The following KAZN variants were observed in gnomAD, a reference collection of about 807,000 sequenced individuals.
KAZN encodes the protein kazrin, periplakin interacting protein.
Under a neutral mutation model 87.4 loss-of-function variants are expected in KAZN, and 40 were observed. That is an observed-to-expected ratio of 0.46 (90% CI 0.36 to 0.60). The LOEUF (loss-of-function observed/expected upper bound fraction) is 0.60. KAZN is among the 20% of genes least tolerant of loss of function. KAZN has a pLI of 0.00. For synonymous variants in KAZN, 466 were observed against 458.3 expected (o/e 1.02, Z -0.22); for missense variants, 898 against 1,073.9 (o/e 0.84, Z 2.29).
chr1:14,726,253 G>C (rs1232869449), intron 1 of KAZN, among the ~76,000 whole-genome samples: 3 of 152,238 alleles, frequency 2.0e-5, no homozygotes, highest in Non-Finnish European at 4.4e-5. Context: ...GGCACAGACA[G>C]CTGGTGCTTG....
chr1:14,727,511 C>CTTTTTTTTTTTTTTT, intron 1 of KAZN, among the ~76,000 whole-genome samples: 1 of 91,748 alleles, frequency 1.1e-5, no homozygotes, highest in Non-Finnish European at 2.0e-5. Context: ...AAGAGTTTTG[C>CTTTTTTTTTTTTTTT]TCTTGTTGTC....
At position 14,977,674 on chromosome 1, in the gene KAZN, G is replaced by T. The variant is rs866405324; in HGVS notation, c.418+16799G>T. ...TGTAGTTCGGGTGACTGCAGATTGC[G>T]GGAGACTCACTTCCTTCAGGTGCAG... On this transcript the variant is annotated intron_variant, in intron 2 of 14. Coordinates refer to ENST00000376030, the MANE Select transcript of KAZN (RefSeq NM_201628.3). 2.6e-5 allele frequency among the ~76,000 whole-genome samples: 4 copies of T among 152,182 alleles called. No homozygotes were observed. The South Asian group carries it at 8.3e-4, about 32-fold the overall frequency.
In KAZN at chr1:14,848,963, C is replaced by T. The variant is rs772053868; in HGVS notation, c.227-111721C>T. Among the ~76,000 whole-genome samples, 8 of 152,132 alleles carry T rather than the reference C, an allele frequency of 5.3e-5. No individual in the cohort carries two copies. The East Asian group carries it at 5.8e-4, about 11-fold the overall frequency. ...GGCTGGCTAGAGGGGCCGGATGCTG[C>T]GGCTCCAGGAAGCAGGGACCAGGGC... On this transcript the variant is annotated intron_variant, in intron 1 of 14. Coordinates refer to ENST00000376030, the MANE Select transcript of KAZN (RefSeq NM_201628.3).
chr1:15,003,824 T>A (rs988713858), intron 2 of KAZN, among the ~76,000 whole-genome samples: 2 of 152,160 alleles, frequency 1.3e-5, no homozygotes, highest in Admixed American at 6.5e-5. Context: ...CCCTGCCTGC[T>A]GTACCCCTCT....
At chr1:13,950,600 T>G (rs1641308863) in intron 1 of KAZN, among the ~76,000 whole-genome samples, 1 of 151,820 alleles carries the variant, frequency 6.6e-6, no homozygotes, top group Non-Finnish European at 1.5e-5. Flanking sequence ...GGATTTTTAG[T>G]AAAGATACAG....
chr1:14,976,193 G>A (rs1208584660), intron 2 of KAZN, among the ~76,000 whole-genome samples: 1 of 152,170 alleles, frequency 6.6e-6, no homozygotes, highest in Non-Finnish European at 1.5e-5. Flanking sequence ...TTTGAGACAA[G>A]GTCTCATTCC....
chr1:14,939,601 A>G (rs1340681093), intron 1 of KAZN, among the ~76,000 whole-genome samples: 1 of 152,168 alleles, frequency 6.6e-6, no homozygotes, highest in African/African-American at 2.4e-5. Flanking sequence ...TGAGGTCCGC[A>G]TTGGCAGTGG....
chr1:13,942,215 C>G (rs1467463548), intron 1 of KAZN, among the ~76,000 whole-genome samples: 1 of 152,104 alleles, frequency 6.6e-6, no homozygotes, highest in East Asian at 1.9e-4. Context: ...CACTCTACCT[C>G]AAAGCAGAAC....
intron 1 of KAZN, among the ~76,000 whole-genome samples, chr1:14,110,494 T>C (rs1644478201): frequency 6.6e-6 from 1 of 152,244 alleles, no homozygotes; most frequent in Non-Finnish European, 1.5e-5. Flanking sequence ...CTTACAACAG[T>C]GCTATGGTTT....
intron 2 of KAZN, among the ~76,000 whole-genome samples, chr1:14,453,190 C>T (rs1410257489): frequency 6.6e-6 from 1 of 151,948 alleles, no homozygotes; most frequent in Non-Finnish European, 1.5e-5. Flanking sequence ...CTCCTGACCT[C>T]GTGATCCGCC....
chr1:14,041,141 T>C (rs1187704975), intron 1 of KAZN, among the ~76,000 whole-genome samples: 38 of 152,222 alleles, frequency 2.5e-4, no homozygotes. Flanking sequence ...TCAAATCACA[T>C]CAGTGTATTA....
intron 2 of KAZN, among the ~76,000 whole-genome samples, chr1:14,281,091 C>T (rs1051143401): frequency 3.9e-5 from 6 of 152,130 alleles, no homozygotes; most frequent in African/African-American, 1.2e-4. Flanking sequence ...TGGATATTTC[C>T]GAAAGGATTT....
intron 2 of KAZN, among the ~76,000 whole-genome samples, chr1:15,020,636 C>T (rs1051449060): frequency 6.6e-6 from 1 of 152,180 alleles, no homozygotes; most frequent in Non-Finnish European, 1.5e-5. Context: ...AGCCATCCAC[C>T]ATGTGAAGGG....
chr1:14,285,561 T>G (rs1430801784), intron 2 of KAZN, among the ~76,000 whole-genome samples: 1 of 152,160 alleles, frequency 6.6e-6, no homozygotes, highest in Non-Finnish European at 1.5e-5. Flanking sequence ...GTATTTCCTG[T>G]GGAATTCGAA....
At position 14,764,178 on chromosome 1, in the gene KAZN, A is replaced by T. The variant is rs2100560063; in HGVS notation, c.226+164955A>T. Among the ~76,000 whole-genome samples, 3 of 152,210 alleles carry T rather than the reference A, an allele frequency of 2.0e-5. No homozygotes were observed. The Middle Eastern group carries it at 0.01, about 518-fold the overall frequency. ...TGGGAAAGACCGGCAGGAGGGTAGA[A>T]TCCACATTCCCGGGGCACTGAGGGC... On this transcript the variant is annotated intron_variant, in intron 1 of 14. Transcript: ENST00000376030.
chr1:14,519,476 C>T (rs574077504), intron 2 of KAZN, among the ~76,000 whole-genome samples: 3 of 152,166 alleles, frequency 2.0e-5, no homozygotes, highest in African/African-American at 7.2e-5. Context: ...ATACTACCCT[C>T]GTGGGTATCC....
intron 1 of KAZN, among the ~76,000 whole-genome samples, chr1:14,783,817 C>A (rs777478460): frequency 1.3e-5 from 2 of 152,182 alleles, no homozygotes; most frequent in Non-Finnish European, 2.9e-5. Context: ...CCTGGCCTGG[C>A]AGGGGTTGTG....
At chr1:14,867,616 G>A (rs1267983696) in intron 1 of KAZN, among the ~76,000 whole-genome samples, 4 of 152,128 alleles carry the variant, frequency 2.6e-5, no homozygotes, top group African/African-American at 9.7e-5. Context: ...GTAGACTGAT[G>A]TCAGGTGCTG....
At chr1:14,084,460 C>T (rs1360887091) in intron 1 of KAZN, among the ~76,000 whole-genome samples, 1 of 152,062 alleles carries the variant, frequency 6.6e-6, no homozygotes, top group Admixed American at 6.5e-5. Context: ...AATCCCCTGC[C>T]CATGTATGTG....
Sources: gnomAD v4.1 joint callset for allele counts (sites outside exome capture counted in the v4.1 genomes callset) on GRCh38, gnomAD v4.1.1 for gene constraint, MANE v1.5 for transcripts, NCBI Gene and HGNC (gene_info 2026-07-23, HGNC 2026-07-21) for gene names.